ABCC8: variants seen among roughly 807,000 people sequenced by gnomAD.
ABCC8 encodes ATP binding cassette subfamily C member 8.
ABCC8 carries 137 observed loss-of-function variants against 188.0 expected under a neutral mutation model. The observed-to-expected ratio is 0.73, with a 90% CI of 0.63 to 0.84. ABCC8 has a LOEUF of 0.84. ABCC8 is among the 40% of genes least tolerant of loss of function. The pLI, the probability that ABCC8 is intolerant of heterozygous loss-of-function variation, is 0.00. For missense variants in ABCC8, 1,750 were observed against 2,072.7 expected, an observed-to-expected ratio of 0.84 and a Z score of 3.02; for synonymous variants, 797 against 846.5, an observed-to-expected ratio of 0.94 and a Z score of 1.01.
chr11:17,471,592 A>G (rs1848481782), intron 2 of ABCC8, among the ~76,000 whole-genome samples: 1 of 152,244 alleles, frequency 6.6e-6, no homozygotes, highest in Non-Finnish European at 1.5e-5. Flanking sequence ...CTCCTTTGCC[A>G]GTGTTGGTCC....
rs550788491 is a variant in ABCC8 at position 17,430,864 on chromosome 11, C to T, written c.1767G>A (p.Pro589=). The change falls in exon 12 of 39, where the codon CCG becomes CCA. Residue 589 remains proline (P), a synonymous_variant. Transcript: ENST00000389817. ...GGACCACACTGGACAGCAGGAACAG[C>T]GGTGTGACCAAGATATGGAAGAGGG... ...SLSLFHILVT[P]LFLLSSVVRS... The T allele has an allele frequency of 1.9e-5, 30 of 1,614,230 alleles. No homozygotes were observed. The highest frequency in any genetic ancestry group is 8.8e-5 in the South Asian group (8 of 91,090).
At chr11:17,447,682 C>T (rs1413630440) in intron 8 of ABCC8, among the ~76,000 whole-genome samples, 2 of 152,164 alleles carry the variant, frequency 1.3e-5, no homozygotes, top group Non-Finnish European at 2.9e-5. Context: ...TCACTGCAAC[C>T]TCTGCCTCCT....
intron 10 of ABCC8, among the ~76,000 whole-genome samples, chr11:17,432,954 T>G (rs975866454): frequency 6.6e-6 from 1 of 152,208 alleles, no homozygotes; most frequent in Non-Finnish European, 1.5e-5. Flanking sequence ...TCCCCGTGCC[T>G]CAGTTTCCTC....
rs1365179639 is a variant in ABCC8, at chr11:17,476,630, A to G, written c.147T>C (p.Ile49=). ...CCGCGGCTCGCTGCGCGCACTCACC[A>G]ATGAAGAGGATGGGGAAGGTGATGA... ...LLFITFPILF[I]GWGSQSSKVH... Residue 49 remains isoleucine (I), a splice_region_variant and synonymous_variant, in exon 1 of 39, where the codon ATT becomes ATC. Transcript: ENST00000389817. 4 of 1,611,700 alleles carry G rather than the reference A, an allele frequency of 2.5e-6. No homozygotes were observed. Among genetic ancestry groups the G allele is most frequent in the South Asian group, 1.1e-5 (1 of 90,810 alleles).
intron 3 of ABCC8, among the ~76,000 whole-genome samples, chr11:17,464,817 C>A (rs1848048487): frequency 6.6e-6 from 1 of 152,212 alleles, no homozygotes; most frequent in Non-Finnish European, 1.5e-5. Flanking sequence ...CTCCTTCCCT[C>A]CTCCCTCCTA....
chr11:17,461,502 A>G, intron 5 of ABCC8, 81 bp downstream of exon 5: 3 of 1,574,540 alleles, frequency 1.9e-6, no homozygotes, highest in Non-Finnish European at 1.7e-6. Flanking sequence ...CAGGATTTTG[A>G]CCTAATGCCC....
rs1954391910 is a variant in ABCC8 at position 17,404,237 on chromosome 11, A to C, written c.3557+275T>G. Among the ~76,000 whole-genome samples, 1 of 152,232 alleles carries C rather than the reference A, an allele frequency of 6.6e-6. No individual in the cohort carries two copies. Among genetic ancestry groups the C allele is most frequent in the Non-Finnish European group, 1.5e-5 (1 of 68,042 alleles). Reference sequence around the variant, plus strand: ...GTTGGCAAAATGAATGAAGGGCATAAAATGTGCATTTATCATGACCTAGCA... The same window carrying C: ...GTTGGCAAAATGAATGAAGGGCATACAATGTGCATTTATCATGACCTAGCA... On this transcript the variant is annotated intron_variant, in intron 28 of 38. Coordinates refer to ENST00000389817, the MANE Select transcript of ABCC8 (RefSeq NM_000352.6). The surrounding 1 kb of genome is among the most constrained non-coding windows in gnomAD (Gnocchi z 4.7).
chr11:17,399,723 T>G (rs142108355), intron 29 of ABCC8, among the ~76,000 whole-genome samples: 2 of 152,364 alleles, frequency 1.3e-5, no homozygotes, highest in African/African-American at 4.8e-5. Flanking sequence ...GATGTTTTAT[T>G]CACCAATATA....
chr11:17,462,085 G>A (rs1387580924), intron 4 of ABCC8, among the ~76,000 whole-genome samples: 1 of 152,178 alleles, frequency 6.6e-6, no homozygotes, highest in Non-Finnish European at 1.5e-5. Context: ...TTTAGGTTGG[G>A]TTGGGGAGGA....
At chr11:17,393,581 G>T (rs1002306153) in intron 38 of ABCC8, 116 bp downstream of exon 38, 2 of 1,510,194 alleles carry the variant, frequency 1.3e-6, no homozygotes, top group Admixed American at 1.7e-5. Context: ...CCTGCTTCAG[G>T]GTTCTTTCTT....
Position 17,461,600 on chromosome 11 carries a change from C to A in ABCC8, c.805G>T (p.Ala269Ser). ...CCACTGACCACCTGGGCGTCAAAGG[C>A]CTCGCAGAGCCGTTGGTAGTTGGTG... ...ALTNYQRLCE[A>S]FDAQVRKDIQ... The change falls in exon 5 of 39, where the codon GCC becomes TCC. Residue 269 changes from alanine (A) to serine (S), a missense_variant. By Grantham distance (99) the Ala-to-Ser change is moderately conservative (BLOSUM62 1). Coordinates refer to ENST00000389817, the MANE Select transcript of ABCC8 (RefSeq NM_000352.6). 1 of 1,614,236 alleles carries A rather than the reference C, an allele frequency of 6.2e-7. No homozygotes were observed. Among genetic ancestry groups the A allele is most frequent in the South Asian group, 1.1e-5 (1 of 91,080 alleles).
At chr11:17,435,884 A>C in intron 10 of ABCC8, 1 of 1,309,208 alleles carries the variant, frequency 7.6e-7, no homozygotes, top group Non-Finnish European at 1.1e-6. Flanking sequence ...ACGCATTCCA[A>C]ATAAGACTCA....
rs761230363 is a variant in ABCC8 at position 17,430,866 on chromosome 11, G to A, written c.1765C>T (p.Pro589Ser). 1.2e-6 allele frequency: 2 copies of A among 1,614,252 alleles called. No individual in the cohort carries two copies. The highest frequency in any genetic ancestry group is 2.2e-5 in the South Asian group (2 of 91,088). The change falls in exon 12 of 39, where the codon CCG (proline) becomes TCG (serine). Residue 589 changes from proline (P) to serine (S), a missense_variant. Physicochemically the swap from Pro to Ser is moderately conservative, Grantham distance 74 (BLOSUM62 -1). Transcript: ENST00000389817. Reference sequence around the variant, plus strand: ...ACCACACTGGACAGCAGGAACAGCGGTGTGACCAAGATATGGAAGAGGGAG... The same window carrying A: ...ACCACACTGGACAGCAGGAACAGCGATGTGACCAAGATATGGAAGAGGGAG... ...SLSLFHILVT[P>S]LFLLSSVVRS...
chr11:17,428,861 A>C, intron 12 of ABCC8, 191 bp from the exon 13 acceptor site: 1 of 1,050,648 alleles, frequency 9.5e-7, no homozygotes, highest in Non-Finnish European at 1.3e-6. Flanking sequence ...GCTAGGGTTG[A>C]CCAGTCAGCT....
chr11:17,416,420 A>G (rs1386762725), intron 17 of ABCC8, among the ~76,000 whole-genome samples: 1 of 152,022 alleles, frequency 6.6e-6, no homozygotes, highest in Non-Finnish European at 1.5e-5. Context: ...CTTTTCCATG[A>G]TCACCCCTAG....
At chr11:17,410,468 C>T in intron 22 of ABCC8, 48 bp downstream of exon 22, 1 of 1,599,922 alleles carries the variant, frequency 6.3e-7, no homozygotes, top group South Asian at 1.1e-5. Flanking sequence ...TGCCTGACAG[C>T]CTCCCCAGCC....
chr11:17,445,730 A>C (rs1309567707), intron 8 of ABCC8, among the ~76,000 whole-genome samples: 1 of 152,150 alleles, frequency 6.6e-6, no homozygotes, highest in Non-Finnish European at 1.5e-5. Context: ...CAAACACAGA[A>C]AACCAAAGGA....
chr11:17,396,057 C>T (rs764398308), intron 33 of ABCC8, 127 bp from the exon 34 acceptor site: 126 of 1,520,114 alleles, frequency 8.3e-5, no homozygotes, highest in Non-Finnish European at 1.1e-4. Context: ...GGTTTTCTGA[C>T]TAGTTTCTCT....
chr11:17,433,328 G>T (rs968515004), intron 10 of ABCC8, among the ~76,000 whole-genome samples: 1 of 152,240 alleles, frequency 6.6e-6, no homozygotes, highest in East Asian at 1.9e-4. Context: ...GAGGGACCAG[G>T]AGTCAGGAGC....
Sources: gnomAD v4.1 joint callset for allele counts (sites outside exome capture counted in the v4.1 genomes callset) on GRCh38, gnomAD v4.1.1 for gene constraint, Gnocchi (gnomAD v3.1) non-coding constraint, MANE v1.5 for transcripts, NCBI Gene and HGNC (gene_info 2026-07-23, HGNC 2026-07-21) for gene names.